The following HPSE2 variants were observed in gnomAD, a reference collection of about 807,000 sequenced individuals.
HPSE2 encodes the protein inactive heparanase-2.
A neutral mutation model predicts 60.5 loss-of-function variants in HPSE2; 38 were observed. The observed-to-expected ratio is 0.63, with a 90% CI of 0.48 to 0.82. The LOEUF (loss-of-function observed/expected upper bound fraction) is 0.82, where lower values mean the gene tolerates loss of function less well. Among genes scored for constraint, HPSE2 ranks in the 40% least tolerant of loss-of-function variants. The probability of loss-of-function intolerance (pLI) is 0.00; values close to 1 mark genes in which losing one functional copy is unlikely to be tolerated. For synonymous variants in HPSE2, 295 were observed against 293.2 expected, an observed-to-expected ratio of 1.01 and a Z score of -0.06; for missense variants, 713 against 740.4, an observed-to-expected ratio of 0.96 and a Z score of 0.43.
intron 5 of HPSE2, among the ~76,000 whole-genome samples, chr10:98,694,898 A>T (rs1043836270): frequency 6.6e-6 from 1 of 152,176 alleles, no homozygotes; most frequent in African/African-American, 2.4e-5. Flanking sequence ...CCTGGTGGGG[A>T]ACTTTTCTTC....
intron 6 of HPSE2, among the ~76,000 whole-genome samples, chr10:98,688,214 T>C (rs1947967873): frequency 6.6e-6 from 1 of 152,098 alleles, no homozygotes; most frequent in African/African-American, 2.4e-5. Context: ...ATAATTCCAT[T>C]TACTGACTCC....
Position 98,753,936 on chromosome 10 carries a change from C to G in HPSE2, c.611-9880G>C, listed in dbSNP as rs549867603. 5.9e-4 allele frequency among the ~76,000 whole-genome samples: 90 copies of G among 152,280 alleles called. 2 individuals carry two copies. The South Asian group carries it at 0.018, about 31-fold the overall frequency. ...AACCAGAATAGGAACTCTGGCAACTCAAAAACCCAGAGTGTCTTCTTACCT... is the reference window on the plus strand; with the variant it reads ...AACCAGAATAGGAACTCTGGCAACTGAAAAACCCAGAGTGTCTTCTTACCT... On this transcript the variant is annotated intron_variant, in intron 3 of 11. Transcript: ENST00000370552.
chr10:98,503,075 G>C (rs761348002), intron 9 of HPSE2, among the ~76,000 whole-genome samples: 1 of 152,018 alleles, frequency 6.6e-6, no homozygotes, highest in Non-Finnish European at 1.5e-5. Context: ...AGCTGGGCAT[G>C]GTGGCAGGCA....
In HPSE2 at chr10:98,459,673, G is replaced by T; in HGVS notation, c.1680C>A (p.Pro560=). 1 of 1,614,132 alleles carries T rather than the reference G, an allele frequency of 6.2e-7. No homozygotes were observed. Among genetic ancestry groups the T allele is most frequent in the Non-Finnish European group, 8.5e-7 (1 of 1,180,024 alleles). Residue 560 remains proline, a synonymous_variant, in exon 12 of 12, where the codon CCC becomes CCA. Coordinates refer to ENST00000370552, the MANE Select transcript of HPSE2 (RefSeq NM_021828.5). ...ATGTCCGGCCGGCCCGAAGGGGGCG[G>T]GGCTTCAATTCTGGGAGGGTCCCGT... The part of the protein sequence containing the change: ...VDDGTLPELK[P]RPLRAGRTLV...
chr10:99,018,194 A>T (rs1957184052), intron 3 of HPSE2, among the ~76,000 whole-genome samples: 1 of 152,198 alleles, frequency 6.6e-6, no homozygotes, highest in South Asian at 2.1e-4. Context: ...TCACTTCCCC[A>T]CTTTGGACTT....
chr10:98,926,412 C>G (rs1954464788), intron 3 of HPSE2, among the ~76,000 whole-genome samples: 2 of 152,092 alleles, frequency 1.3e-5, no homozygotes, highest in East Asian at 3.9e-4. Flanking sequence ...TGGTACAATA[C>G]AGCTAGGATT....
intron 2 of HPSE2, among the ~76,000 whole-genome samples, chr10:99,150,433 C>G (rs963711124): frequency 6.6e-6 from 1 of 152,170 alleles, no homozygotes; most frequent in African/African-American, 2.4e-5. Context: ...ATCCTCCCAC[C>G]TCAGACTCCC....
intron 3 of HPSE2, among the ~76,000 whole-genome samples, chr10:98,872,894 T>C (rs1952771427): frequency 6.6e-6 from 1 of 152,180 alleles, no homozygotes; most frequent in Non-Finnish European, 1.5e-5. Flanking sequence ...TTATGAATAA[T>C]TGAAGACCCA....
Position 99,030,935 on chromosome 10 carries a change from A to G in HPSE2, c.610+113303T>C, listed in dbSNP as rs144624188. On this transcript the variant is annotated intron_variant, in intron 3 of 11. Transcript: ENST00000370552. Reference sequence around the variant, plus strand: ...TTTGTGGAATCCAAAAATCAAAACAATTGGACTTAATGGACAGAGAGAGTA... The same window carrying G: ...TTTGTGGAATCCAAAAATCAAAACAGTTGGACTTAATGGACAGAGAGAGTA... Among the ~76,000 whole-genome samples, 358 of 152,314 alleles carry G rather than the reference A, an allele frequency of 2.4e-3. 1 individual carries two copies. Among genetic ancestry groups the G allele is most frequent in the Non-Finnish European group, 3.4e-3 (231 of 68,028 alleles).
intron 9 of HPSE2, among the ~76,000 whole-genome samples, chr10:98,561,134 G>T (rs1944164128): frequency 6.6e-6 from 1 of 151,114 alleles, no homozygotes; most frequent in Non-Finnish European, 1.5e-5. Flanking sequence ...AGATGTGGAG[G>T]TGCAAGAAAG....
chr10:98,644,464 G>A (rs1230293579), intron 6 of HPSE2, among the ~76,000 whole-genome samples: 1 of 152,200 alleles, frequency 6.6e-6, no homozygotes, highest in East Asian at 1.9e-4. Flanking sequence ...TTCCCAGCAG[G>A]TGTGAGGCAG....
At chr10:98,953,471 C>T (rs1955424745) in intron 3 of HPSE2, among the ~76,000 whole-genome samples, 1 of 152,152 alleles carries the variant, frequency 6.6e-6, no homozygotes, top group Admixed American at 6.5e-5. Context: ...AAACTCTGCT[C>T]ACGCTGCCTA....
At chr10:99,150,050 T>C (rs1380777323) in intron 2 of HPSE2, among the ~76,000 whole-genome samples, 1 of 152,124 alleles carries the variant, frequency 6.6e-6, no homozygotes, top group African/African-American at 2.4e-5. Context: ...TCTCCCCTTA[T>C]GATCCTTACC....
At position 98,626,119 on chromosome 10, in the gene HPSE2, A is replaced by G. The variant is rs537946986; in HGVS notation, c.1099-5411T>C. On this transcript the variant is annotated intron_variant, in intron 7 of 11. Coordinates refer to ENST00000370552, the MANE Select transcript of HPSE2 (RefSeq NM_021828.5). The stretch of plus-strand genomic sequence containing the variant: ...AGACTCCGTCTCAAAAAAAAAAAAG[A>G]AAAAGAAAAAAGAAAAAAGATGAAT... 1.3e-3 allele frequency among the ~76,000 whole-genome samples: 180 copies of G among 142,824 alleles called. 3 individuals carry two copies. Among genetic ancestry groups the G allele is most frequent in the African/African-American group, 4.6e-3 (169 of 37,016 alleles). The allele number at this position is 142,824 out of a possible 152,430, so 93.7% of individuals were successfully genotyped here.
At chr10:99,260,320 T>G in the HPSE2 span, among the ~76,000 whole-genome samples, 1 of 151,784 alleles carries the variant, frequency 6.6e-6, no homozygotes, top group Non-Finnish European at 1.5e-5. Flanking sequence ...TTCACACAGA[T>G]GCGCGTGACA....
intron 3 of HPSE2, among the ~76,000 whole-genome samples, chr10:98,802,342 T>A (rs977998535): frequency 2.6e-5 from 4 of 151,914 alleles, no homozygotes; most frequent in African/African-American, 9.7e-5. Context: ...TATTGTACTT[T>A]AAGTTTTAGG....
At chr10:98,991,314 C>G (rs1956518558) in intron 3 of HPSE2, among the ~76,000 whole-genome samples, 1 of 152,122 alleles carries the variant, frequency 6.6e-6, no homozygotes, top group Non-Finnish European at 1.5e-5. Flanking sequence ...AAAAGCCTCT[C>G]TGATATATGA....
intron 3 of HPSE2, among the ~76,000 whole-genome samples, chr10:99,084,916 G>A (rs934677928): frequency 1.6e-4 from 24 of 152,204 alleles, no homozygotes; most frequent in African/African-American, 5.5e-4. Context: ...TGCCTATTTT[G>A]TAATTCTCCC....
intron 9 of HPSE2, among the ~76,000 whole-genome samples, chr10:98,509,371 T>G (rs1000068523): frequency 6.6e-6 from 1 of 152,002 alleles, no homozygotes; most frequent in African/African-American, 2.4e-5. Context: ...AGATGAAAGA[T>G]GATAGTTTTG....
Sources: gnomAD v4.1 joint callset for allele counts (sites outside exome capture counted in the v4.1 genomes callset) on GRCh38, gnomAD v4.1.1 for gene constraint, MANE v1.5 for transcripts, NCBI Gene and HGNC (gene_info 2026-07-23, HGNC 2026-07-21) for gene names.